Variants in PMP22 observed in about 807,000 individuals in gnomAD.
PMP22 encodes peripheral myelin protein 22.
In PMP22, 2 loss-of-function variants were observed where a neutral mutation model predicts 18.9. The ratio of observed to expected loss-of-function variants is 0.11; its 90% CI spans 0.04 to 0.33. PMP22 has a LOEUF of 0.33. Ranked by LOEUF, PMP22 falls within the 10% of genes least tolerant of loss-of-function variation. The pLI, the probability that PMP22 is intolerant of heterozygous loss-of-function variation, is 1.00. For synonymous variants in PMP22, 95 were observed against 89.2 expected, an observed-to-expected ratio of 1.07 and a Z score of -0.37; for missense variants, 169 against 202.2, an observed-to-expected ratio of 0.84 and a Z score of 1.00.
chr17:15,252,155 T>C (rs1908411279), intron 3 of PMP22, among the ~76,000 whole-genome samples: 1 of 152,120 alleles, frequency 6.6e-6, no homozygotes, highest in African/African-American at 2.4e-5. Flanking sequence ...TCCCGTGTTT[T>C]CTAAAATCTG....
chr17:15,236,066 CTTT>C, intron 4 of PMP22, among the ~76,000 whole-genome samples: 1 of 144,700 alleles, frequency 6.9e-6, no homozygotes, highest in African/African-American at 2.5e-5. Flanking sequence ...CGCCCACTGT[CTTT>C]TTTTTTTTTT....
chr17:15,241,525 A>G (rs528226075), intron 3 of PMP22, among the ~76,000 whole-genome samples: 1 of 152,130 alleles, frequency 6.6e-6, no homozygotes, highest in Non-Finnish European at 1.5e-5. Flanking sequence ...TCCTTCTCCA[A>G]TCCTGAGATA....
Position 15,230,929 on chromosome 17 carries a change from C to T in PMP22, c.471G>A (p.Arg157=), listed in dbSNP as rs770693814. 1.9e-5 allele frequency: 30 copies of T among 1,613,954 alleles called. No individual in the cohort carries two copies. Among genetic ancestry groups the T allele is most frequent in the Non-Finnish European group, 2.4e-5 (28 of 1,180,038 alleles). Residue 157 remains arginine (R), a synonymous_variant, in exon 5 of 5, where the codon CGG becomes CGA. Coordinates refer to ENST00000312280, the MANE Select transcript of PMP22 (RefSeq NM_000304.4). ...CCGTCTGGGCGCCTCATTCGCGTTT[C>T]CGCAAGATCACATAGATGACACCGC... ...LLSGVIYVIL[R]KRE
At chr17:15,254,185 C>A (rs564011884) in intron 3 of PMP22, among the ~76,000 whole-genome samples, 1 of 152,272 alleles carries the variant, frequency 6.6e-6, no homozygotes, top group Admixed American at 6.5e-5. Context: ...AGATTAAGAC[C>A]AATGAACGGC....
At position 15,264,648 on chromosome 17, in the gene PMP22, C is replaced by CTGGGT. The variant is rs1286350770; in HGVS notation, c.-35+505_-35+506insACCCA. On this transcript the variant is annotated intron_variant, in intron 1 of 4. Coordinates refer to ENST00000312280, the MANE Select transcript of PMP22 (RefSeq NM_000304.4). ...AATCAATAACCACCCAGGTCACAGCCACACCATATACTGCCAGACAGGTAA... is the reference window on the plus strand; with the variant it reads ...AATCAATAACCACCCAGGTCACAGCCTGGGTACACCATATACTGCCAGACAGGTAA... Among the ~76,000 whole-genome samples, 45 of 152,342 alleles carry CTGGGT rather than the reference C, an allele frequency of 3.0e-4. No individual in the cohort carries two copies. The Middle Eastern group carries it at 0.017, about 58-fold the overall frequency.
chr17:15,249,818 G>T (rs1181469934), intron 3 of PMP22, among the ~76,000 whole-genome samples: 2 of 152,192 alleles, frequency 1.3e-5, no homozygotes, highest in East Asian at 1.9e-4. Context: ...CTTTAAGGAC[G>T]TGCCAAGCAA....
chr17:15,262,095 C>T (rs933202385), intron 1 of PMP22, among the ~76,000 whole-genome samples: 1 of 152,216 alleles, frequency 6.6e-6, no homozygotes, highest in Non-Finnish European at 1.5e-5. Context: ...CCAACACTCT[C>T]GGGATGTCCG....
At chr17:15,239,409 T>G (rs1382136049) in intron 4 of PMP22, 62 bp downstream of exon 4, 1 of 1,576,338 alleles carries the variant, frequency 6.3e-7, no homozygotes, top group Non-Finnish European at 8.7e-7. Flanking sequence ...TCTACTAAAC[T>G]AATCATTCCG....
At chr17:15,260,066 G>A (rs77472148) in intron 2 of PMP22, among the ~76,000 whole-genome samples, 6,495 of 152,040 alleles carry the variant, frequency 0.043, 437 homozygotes, top group African/African-American at 0.14. Flanking sequence ...CATCTTCATC[G>A]CCAAGAAAAT....
intron 3 of PMP22, among the ~76,000 whole-genome samples, chr17:15,242,251 CAAAAAAA>C (rs59075019): frequency 1.1e-4 from 6 of 54,778 alleles, no homozygotes; most frequent in African/African-American, 2.0e-4. Flanking sequence ...GACTCTGTCT[CAAAAAAA>C]AAAAAAAAAA....
chr17:15,247,067 CAAA>C (rs144096552), intron 3 of PMP22, among the ~76,000 whole-genome samples: 74 of 69,082 alleles, frequency 1.1e-3, no homozygotes, highest in Admixed American at 1.9e-3. Context: ...AGACTCGTCT[CAAA>C]AAAAAAAAAA....
chr17:15,259,225 G>A (rs765865035), intron 2 of PMP22, 32 bp from the exon 3 acceptor site: 1 of 1,482,658 alleles, frequency 6.7e-7, no homozygotes, highest in African/African-American at 1.4e-5. Context: ...TCCTGAGTCA[G>A]GGAGGGAGGG....
At chr17:15,232,925 C>T (rs1015019773) in intron 4 of PMP22, among the ~76,000 whole-genome samples, 2 of 152,158 alleles carry the variant, frequency 1.3e-5, no homozygotes, top group Non-Finnish European at 2.9e-5. Flanking sequence ...TGACTCTAAG[C>T]TTAACCGTGA....
chr17:15,253,235 T>C (rs902233376), intron 3 of PMP22, among the ~76,000 whole-genome samples: 12 of 152,164 alleles, frequency 7.9e-5, no homozygotes, highest in Non-Finnish European at 1.5e-5. Context: ...CTGCGTGCCA[T>C]GCCCCAGGGC....
intron 1 of PMP22, among the ~76,000 whole-genome samples, chr17:15,262,273 A>T (rs961627048): frequency 6.6e-6 from 1 of 152,170 alleles, no homozygotes; most frequent in African/African-American, 2.4e-5. Flanking sequence ...GACCCATTGG[A>T]GGGAAACAGG....
At chr17:15,239,353 C>T (rs1907084880) in intron 4 of PMP22, 118 bp downstream of exon 4, 3 of 1,164,214 alleles carry the variant, frequency 2.6e-6, no homozygotes, top group Non-Finnish European at 3.9e-6. Flanking sequence ...TGGAAAGCAT[C>T]CAGTGGGGAG....
At chr17:15,242,325 C>A (rs1190183204) in intron 3 of PMP22, among the ~76,000 whole-genome samples, 1 of 146,394 alleles carries the variant, frequency 6.8e-6, no homozygotes, top group African/African-American at 2.5e-5. Context: ...CTAAAACAAG[C>A]AACAGTCAAA....
At chr17:15,234,438 ACCAGG>A (rs1906618576) in intron 4 of PMP22, among the ~76,000 whole-genome samples, 1 of 152,174 alleles carries the variant, frequency 6.6e-6, no homozygotes, top group Admixed American at 6.5e-5. Flanking sequence ...CAGTGAGACC[ACCAGG>A]GTGGTCACTG....
rs756046682 is a variant in PMP22 at position 15,239,605 on chromosome 17, A to C, written c.185T>G (p.Leu62Arg). 8.9e-5 allele frequency: 143 copies of C among 1,613,822 alleles called. 1 individual carries two copies. The highest frequency in any genetic ancestry group is 1.2e-4 in the Non-Finnish European group (139 of 1,179,882). Reference sequence around the variant, plus strand: ...GATCATGGTGGCCTGGACAGACTGCAGCCATTCTGGGGGAAAGAGACACTT... The same window carrying C: ...GATCATGGTGGCCTGGACAGACTGCCGCCATTCTGGGGGAAAGAGACACTT... ...HCFSSSPNEWLQSVQATMILS... is the reference protein window; with the variant it reads ...HCFSSSPNEWRQSVQATMILS... Residue 62 changes from leucine to arginine, a missense_variant, in exon 4 of 5, where the codon CTG becomes CGG. Transcript: ENST00000312280.
Sources: gnomAD v4.1 joint callset for allele counts (sites outside exome capture counted in the v4.1 genomes callset) on GRCh38, gnomAD v4.1.1 for gene constraint, MANE v1.5 for transcripts, NCBI Gene and HGNC (gene_info 2026-07-23, HGNC 2026-07-21) for gene names.